ZFHX4: variants seen among roughly 807,000 people sequenced by gnomAD.
The protein encoded by ZFHX4 is zinc finger homeobox 4, also known as zinc finger homeobox protein 4.
In ZFHX4, 56 loss-of-function variants were observed where a neutral mutation model predicts 267.6. The observed-to-expected ratio is 0.21, with a 90% confidence interval of 0.17 to 0.26. The LOEUF (loss-of-function observed/expected upper bound fraction) is 0.26. ZFHX4 is among the 10% of genes least tolerant of loss of function. The probability of loss-of-function intolerance (pLI) is 1.00; values close to 1 mark genes in which losing one functional copy is unlikely to be tolerated. For synonymous variants in ZFHX4, 1,778 were observed against 1,665.6 expected, an observed-to-expected ratio of 1.07 and a Z score of -1.64; for missense variants, 4,332 against 4,420.0, an observed-to-expected ratio of 0.98 and a Z score of 0.56.
intron 10 of ZFHX4, among the ~76,000 whole-genome samples, chr8:76,857,538 G>A (rs1297623180): frequency 6.6e-6 from 1 of 152,014 alleles, no homozygotes; most frequent in African/African-American, 2.4e-5. Flanking sequence ...TTTGGGAGGT[G>A]TGAAAACAAT....
chr8:76,709,082 C>T (rs1003366074), intron 3 of ZFHX4, among the ~76,000 whole-genome samples: 7 of 152,112 alleles, frequency 4.6e-5, no homozygotes, highest in African/African-American at 1.4e-4. Context: ...ATCAAACCTA[C>T]GACTTTTCTA....
intron 3 of ZFHX4, among the ~76,000 whole-genome samples, chr8:76,713,926 C>A (rs1026890762): frequency 6.6e-6 from 1 of 151,876 alleles, no homozygotes; most frequent in Non-Finnish European, 1.5e-5. Context: ...ACCACCGCCA[C>A]GTACCACCAC....
At chr8:76,707,196 C>A (rs904143405) in intron 2 of ZFHX4, among the ~76,000 whole-genome samples, 1 of 152,154 alleles carries the variant, frequency 6.6e-6, no homozygotes, top group African/African-American at 2.4e-5. Context: ...TCTCATCAAG[C>A]TTTAAGACAA....
At chr8:76,689,433 G>A (rs907827757) in intron 1 of ZFHX4, among the ~76,000 whole-genome samples, 4 of 152,108 alleles carry the variant, frequency 2.6e-5, no homozygotes, top group Non-Finnish European at 5.9e-5. Context: ...CAGAATATGT[G>A]TTTATATGTG....
chr8:76,854,358 G>T lies in ZFHX4; in HGVS notation c.7437G>T (p.Met2479Ile). ...PVPSSPLQIS[M>I]TSLQNSLPPQ... ...CTTCCAGTCCACTGCAAATTTCCAT[G>T]ACGTCTCTCCAGAACAGTCTACCTC... The change falls in exon 10 of 11, where the codon ATG becomes ATT. Residue 2479 changes from methionine to isoleucine, a missense_variant. By Grantham distance (10) the Met-to-Ile change is conservative (BLOSUM62 1). Transcript: ENST00000651372. 2.5e-6 allele frequency: 4 copies of T among 1,613,828 alleles called. No homozygotes were observed. Among genetic ancestry groups the T allele is most frequent in the Non-Finnish European group, 3.4e-6 (4 of 1,179,860 alleles).
intron 4 of ZFHX4, among the ~76,000 whole-genome samples, chr8:76,800,301 A>G (rs1811086554): frequency 6.6e-6 from 1 of 152,170 alleles, no homozygotes; most frequent in African/African-American, 2.4e-5. Flanking sequence ...ATTTATGTCC[A>G]CCCTGAAGAG....
At chr8:76,818,892 A>C (rs570769182) in intron 4 of ZFHX4, among the ~76,000 whole-genome samples, 6 of 152,080 alleles carry the variant, frequency 3.9e-5, no homozygotes, top group Non-Finnish European at 8.8e-5. Flanking sequence ...ACTCCAGCCT[A>C]GGTGACACAG....
intron 3 of ZFHX4, among the ~76,000 whole-genome samples, chr8:76,730,783 G>C (rs1036060182): frequency 6.6e-6 from 1 of 152,066 alleles, no homozygotes; most frequent in African/African-American, 2.4e-5. Context: ...CCTTGACTTG[G>C]GGATGGTTAA....
At chr8:76,831,987 TA>T (rs1445535147) in intron 4 of ZFHX4, among the ~76,000 whole-genome samples, 1 of 119,058 alleles carries the variant, frequency 8.4e-6, no homozygotes, top group East Asian at 3.0e-4. Context: ...GAATTTAACA[TA>T]ATGGTTTTTT....
rs192631150 is a variant in ZFHX4 at position 76,690,599 on chromosome 8, A to G, written c.-47+8979A>G. 2.1e-4 allele frequency among the ~76,000 whole-genome samples: 32 copies of G among 152,184 alleles called. No individual in the cohort carries two copies. In the East Asian group the frequency reaches 4.4e-3, roughly 21 times the overall value. The stretch of plus-strand genomic sequence containing the variant: ...TAAATTTTGGAATAATGCAATTAAT[A>G]CTTAAGATTTCCTGAGCCCATTAAT... On this transcript the variant is annotated intron_variant, in intron 1 of 10. Transcript: ENST00000651372.
intron 1 of ZFHX4, among the ~76,000 whole-genome samples, chr8:76,700,857 C>A (rs1808083766): frequency 6.6e-6 from 1 of 152,110 alleles, no homozygotes; most frequent in African/African-American, 2.4e-5. Context: ...CAGTAGGGAA[C>A]AGAAGTTGGT....
intron 5 of ZFHX4, among the ~76,000 whole-genome samples, chr8:76,835,219 G>GTA (rs773901442): frequency 0.11 from 8,062 of 74,728 alleles, 411 homozygotes; most frequent in East Asian, 0.21. Context: ...GTATATATAT[G>GTA]TATATATATA....
chr8:76,819,974 A>C (rs1190139008), intron 4 of ZFHX4, among the ~76,000 whole-genome samples: 1 of 152,176 alleles, frequency 6.6e-6, no homozygotes, highest in Non-Finnish European at 1.5e-5. Context: ...GATCAGAGTA[A>C]AGAGATGTAT....
At chr8:76,850,118 T>C in intron 8 of ZFHX4, 127 bp from the exon 9 acceptor site, 1 of 728,394 alleles carries the variant, frequency 1.4e-6, no homozygotes, top group East Asian at 2.7e-5. Context: ...CTGTAACATC[T>C]GCAAAACATC....
At chr8:76,826,600 A>T (rs939623670) in intron 4 of ZFHX4, among the ~76,000 whole-genome samples, 5 of 152,222 alleles carry the variant, frequency 3.3e-5, no homozygotes, top group African/African-American at 4.8e-5. Flanking sequence ...CCTATCATGA[A>T]AAGAGAAATA....
rs73693428 is a variant in ZFHX4 at position 76,840,745 on chromosome 8, T to C, written c.3395-1910T>C. Reference sequence around the variant, plus strand: ...TCCTGCATCCCTTCCCCGGGATGAGTTGAAAAGTAATTGCCACAGCTGTCA... The same window carrying C: ...TCCTGCATCCCTTCCCCGGGATGAGCTGAAAAGTAATTGCCACAGCTGTCA... On this transcript the variant is annotated intron_variant, in intron 5 of 10. Coordinates refer to ENST00000651372, the MANE Select transcript of ZFHX4 (RefSeq NM_024721.5). 4.5e-3 allele frequency among the ~76,000 whole-genome samples: 690 copies of C among 152,090 alleles called. 10 individuals carry two copies. Among genetic ancestry groups the C allele is most frequent in the African/African-American group, 0.015 (607 of 41,470 alleles).
Position 76,828,560 on chromosome 8 carries a change from G to A in ZFHX4, c.3326-4778G>A, listed in dbSNP as rs1020639347. 5.9e-5 allele frequency among the ~76,000 whole-genome samples: 9 copies of A among 152,190 alleles called. No individual in the cohort carries two copies. The South Asian group carries it at 6.2e-4, about 10-fold the overall frequency. On this transcript the variant is annotated intron_variant, in intron 4 of 10. Coordinates refer to ENST00000651372, the MANE Select transcript of ZFHX4 (RefSeq NM_024721.5). Reference sequence around the variant, plus strand: ...TAGCACCTAACAAGTTTCCAAAAATGATCATTAGTTTATAATTAGAGCACT... The same window carrying A: ...TAGCACCTAACAAGTTTCCAAAAATAATCATTAGTTTATAATTAGAGCACT...
At chr8:76,833,460 T>C (rs892666197) in intron 5 of ZFHX4, 54 bp downstream of exon 5, 28 of 1,342,748 alleles carry the variant, frequency 2.1e-5, no homozygotes, top group Middle Eastern at 3.6e-4. Flanking sequence ...TGAGTTGCTT[T>C]TGTTACTCTC....
intron 1 of ZFHX4, among the ~76,000 whole-genome samples, chr8:76,692,078 C>T (rs1807839966): frequency 6.6e-6 from 1 of 152,098 alleles, no homozygotes; most frequent in Non-Finnish European, 1.5e-5. Flanking sequence ...TTATCTGCCA[C>T]TCCATCACTA....
Sources: allele counts gnomAD v4.1 joint callset (sites outside exome capture counted in the v4.1 genomes callset), GRCh38; gene constraint gnomAD v4.1.1; transcripts MANE v1.5; gene names NCBI Gene and HGNC (gene_info 2026-07-23, HGNC 2026-07-21).